Variants in LRBA observed in about 807,000 individuals in gnomAD.
LRBA encodes LPS responsive beige-like anchor protein, also known as lipopolysaccharide-responsive and beige-like anchor protein.
LRBA carries 176 observed loss-of-function variants against 330.0 expected under a neutral mutation model. That is an observed-to-expected ratio of 0.53 (90% confidence interval 0.47 to 0.60). The LOEUF (loss-of-function observed/expected upper bound fraction) is 0.60, where lower values mean the gene tolerates loss of function less well. Ranked by LOEUF, LRBA falls within the 20% of genes least tolerant of loss-of-function variation. The probability of loss-of-function intolerance (pLI) is 0.00; values close to 1 mark genes in which losing one functional copy is unlikely to be tolerated. For synonymous variants in LRBA, 1,230 were observed against 1,193.0 expected (o/e 1.03, Z -0.64); for missense variants, 3,259 against 3,444.8 (o/e 0.95, Z 1.35).
At chr4:150,803,081 TATAC>T (rs1553964904) in intron 33 of LRBA, among the ~76,000 whole-genome samples, 17 of 111,022 alleles carry the variant, frequency 1.5e-4, no homozygotes, top group African/African-American at 6.1e-4. Flanking sequence ...AAAAAATATA[TATAC>T]ACACACACAC....
intron 4 of LRBA, among the ~76,000 whole-genome samples, chr4:150,922,394 G>GGATATA (rs370959649): frequency 1.9e-4 from 26 of 139,734 alleles, no homozygotes; most frequent in Non-Finnish European, 2.9e-4. Context: ...AGAAACTGTG[G>GGATATA]TATATATATA....
intron 5 of LRBA, 79 bp downstream of exon 5, chr4:150,921,119 G>A: frequency 2.3e-6 from 2 of 868,176 alleles, no homozygotes; most frequent in Non-Finnish European, 1.9e-6. Flanking sequence ...GAACCTGTCA[G>A]GGGTGTTCAC....
intron 40 of LRBA, chr4:150,579,739 G>GGA (rs1319727098): frequency 2.2e-6 from 1 of 456,402 alleles, no homozygotes; most frequent in East Asian, 7.0e-5. Context: ...CGAGAGAAGA[G>GGA]GAGAAGGCGC....
intron 22 of LRBA, among the ~76,000 whole-genome samples, chr4:150,861,888 T>G (rs1044966857): frequency 6.6e-6 from 1 of 151,620 alleles, no homozygotes; most frequent in African/African-American, 2.4e-5. Context: ...GGCTGAGGCA[T>G]GAGAATTGCT....
At chr4:150,359,071 T>TA (rs1416708096) in intron 47 of LRBA, among the ~76,000 whole-genome samples, 3 of 151,962 alleles carry the variant, frequency 2.0e-5, no homozygotes, top group Admixed American at 6.6e-5. Context: ...AAACTTGAAT[T>TA]AAAAAAAAGC....
intron 28 of LRBA, among the ~76,000 whole-genome samples, chr4:150,842,212 G>T (rs1749192852): frequency 6.6e-6 from 1 of 152,150 alleles, no homozygotes; most frequent in South Asian, 2.1e-4. Context: ...GAGGCACTGT[G>T]AAGAGTTTGG....
chr4:150,281,633 G>T (rs1236751904), intron 55 of LRBA, among the ~76,000 whole-genome samples: 1 of 152,098 alleles, frequency 6.6e-6, no homozygotes, highest in South Asian at 2.1e-4. Flanking sequence ...CCCTACTCCT[G>T]CCCCCAACAT....
At chr4:150,319,756 A>G (rs1258625050) in intron 50 of LRBA, among the ~76,000 whole-genome samples, 1 of 152,122 alleles carries the variant, frequency 6.6e-6, no homozygotes, top group East Asian at 1.9e-4. Flanking sequence ...TCTAATACCA[A>G]CTACAGATTC....
chr4:150,277,431 C>T (rs561647938), intron 56 of LRBA, among the ~76,000 whole-genome samples: 99 of 152,112 alleles, frequency 6.5e-4, no homozygotes, highest in Non-Finnish European at 9.6e-4. Flanking sequence ...AAAAAAGATA[C>T]TTCAAAGAAA....
chr4:150,984,829 A>G (rs959356825), intron 2 of LRBA, among the ~76,000 whole-genome samples: 1 of 152,214 alleles, frequency 6.6e-6, no homozygotes, highest in African/African-American at 2.4e-5. Flanking sequence ...GAAAGGAAAA[A>G]AGTAAATGGA....
At chr4:150,664,765 A>C (rs4604037) in intron 37 of LRBA, among the ~76,000 whole-genome samples, 122,878 of 152,130 alleles carry the variant, frequency 0.81, 52,984 homozygotes, top group Non-Finnish European at 0.95. Flanking sequence ...TTCTATGCCA[A>C]ACTTACCTCA....
At chr4:150,998,350 T>C (rs1221204426) in intron 2 of LRBA, among the ~76,000 whole-genome samples, 1 of 143,788 alleles carries the variant, frequency 7.0e-6, no homozygotes, top group African/African-American at 2.6e-5. Context: ...CGAAACTCCG[T>C]CTCAAAAAAA....
chr4:150,779,444 G>A (rs1479424778), intron 34 of LRBA, among the ~76,000 whole-genome samples: 1 of 151,762 alleles, frequency 6.6e-6, no homozygotes, highest in Admixed American at 6.6e-5. Context: ...ATAATATTAT[G>A]CAAAACAGGA....
At chr4:150,277,420 A>T (rs535538857) in intron 56 of LRBA, among the ~76,000 whole-genome samples, 2 of 152,264 alleles carry the variant, frequency 1.3e-5, no homozygotes, top group East Asian at 3.9e-4. Flanking sequence ...GGTATAATTT[A>T]AAAAAAGATA....
intron 9 of LRBA, among the ~76,000 whole-genome samples, chr4:150,909,356 A>G (rs527607515): frequency 7.2e-5 from 11 of 152,328 alleles, no homozygotes; most frequent in South Asian, 2.1e-4. Flanking sequence ...GATACCTCGT[A>G]TAAGTGGAAT....
At chr4:150,604,168 G>A (rs576466091) in intron 37 of LRBA, among the ~76,000 whole-genome samples, 27 of 152,180 alleles carry the variant, frequency 1.8e-4, no homozygotes, top group African/African-American at 6.0e-4. Flanking sequence ...TAGAACTCAG[G>A]GAGGCTAAGG....
At chr4:150,840,680 T>C (rs1748936958) in intron 28 of LRBA, 3 of 158,540 alleles carry the variant, frequency 1.9e-5, no homozygotes, top group Admixed American at 6.5e-5. Context: ...AATGAAAAGG[T>C]TTGAAATATT....
At chr4:150,694,462 C>CAAAAAAAAA (rs58558446) in intron 36 of LRBA, among the ~76,000 whole-genome samples, 13 of 71,042 alleles carry the variant, frequency 1.8e-4, no homozygotes, top group East Asian at 6.0e-4. Flanking sequence ...TGATCTTTAA[C>CAAAAAAAAA]AAAAAAAAAA....
intron 36 of LRBA, among the ~76,000 whole-genome samples, chr4:150,712,870 G>A (rs967666588): frequency 8.5e-5 from 13 of 152,134 alleles, no homozygotes; most frequent in African/African-American, 2.9e-4. Flanking sequence ...CATTTAGGAG[G>A]AAACACAAAA....
Sources: gnomAD v4.1 joint callset for allele counts (sites outside exome capture counted in the v4.1 genomes callset) on GRCh38, gnomAD v4.1.1 for gene constraint, MANE v1.5 for transcripts, NCBI Gene and HGNC (gene_info 2026-07-23, HGNC 2026-07-21) for gene names.